Variants in GSE1 observed in about 807,000 individuals in gnomAD.
GSE1 encodes Gse1 coiled-coil protein.
GSE1 carries 32 observed loss-of-function variants against 112.6 expected under a neutral mutation model. The observed-to-expected ratio is 0.28, with a 90% confidence interval of 0.21 to 0.38. The LOEUF (loss-of-function observed/expected upper bound fraction) is 0.38. Among genes scored for constraint, GSE1 ranks in the 10% least tolerant of loss-of-function variants. The pLI, the probability that GSE1 is intolerant of heterozygous loss-of-function variation, is 1.00. For synonymous variants in GSE1, 1,115 were observed against 735.6 expected, an observed-to-expected ratio of 1.52 and a Z score of -8.35; for missense variants, 2,348 against 1,699.2, an observed-to-expected ratio of 1.38 and a Z score of -6.71.
intron 1 of GSE1, among the ~76,000 whole-genome samples, chr16:85,217,380 G>A (rs1233722319): frequency 1.3e-5 from 2 of 152,280 alleles, no homozygotes; most frequent in African/African-American, 2.4e-5. Flanking sequence ...AGAAGAAGCC[G>A]CCACGCCTGG....
chr16:85,510,453 T>A (rs1237634284), intron 2 of GSE1, among the ~76,000 whole-genome samples: 1 of 75,600 alleles, frequency 1.3e-5, no homozygotes. Context: ...TGTGTGTCGG[T>A]GTGGCCTGCG....
chr16:85,457,101 G>A (rs1319584619), intron 2 of GSE1, among the ~76,000 whole-genome samples: 2 of 152,196 alleles, frequency 1.3e-5, no homozygotes, highest in Admixed American at 1.3e-4. Flanking sequence ...GGTAAGCCAG[G>A]CAGTTCCTGC....
intron 1 of GSE1, among the ~76,000 whole-genome samples, chr16:85,625,961 G>T (rs1418824679): frequency 1.3e-5 from 2 of 152,032 alleles, no homozygotes; most frequent in African/African-American, 2.4e-5. Context: ...GGTTGCCCCC[G>T]CCCACCTGCT....
chr16:85,404,011 G>A (rs867772842), intron 2 of GSE1, among the ~76,000 whole-genome samples: 106 of 76,244 alleles, frequency 1.4e-3, no homozygotes, highest in African/African-American at 6.6e-3. Flanking sequence ...CCCTCTCTGT[G>A]CCGTCCTTAC....
chr16:85,540,862 G>A (rs1037454492), intron 2 of GSE1, among the ~76,000 whole-genome samples: 3 of 152,148 alleles, frequency 2.0e-5, no homozygotes, highest in South Asian at 2.1e-4. Context: ...AGCTGTGATT[G>A]CACCACTGCA....
At chr16:85,510,090 G>A (rs970448600) in intron 2 of GSE1, among the ~76,000 whole-genome samples, 4 of 152,200 alleles carry the variant, frequency 2.6e-5, no homozygotes, top group African/African-American at 9.6e-5. Context: ...GCACCCCCAT[G>A]CCGCCACCAT....
At chr16:85,481,857 A>G (rs2151873027) in intron 2 of GSE1, among the ~76,000 whole-genome samples, 1 of 152,334 alleles carries the variant, frequency 6.6e-6, no homozygotes, top group Middle Eastern at 3.4e-3. Flanking sequence ...TGTACCTAAA[A>G]GGTCACACGG....
chr16:85,585,578 A>G (rs2046653902), intron 1 of GSE1, among the ~76,000 whole-genome samples: 1 of 151,904 alleles, frequency 6.6e-6, no homozygotes, highest in Admixed American at 6.6e-5. Flanking sequence ...GGAGGGAGGG[A>G]GACTTTCCTG....
At chr16:85,443,439 C>G (rs373390938) in intron 2 of GSE1, among the ~76,000 whole-genome samples, 1 of 152,252 alleles carries the variant, frequency 6.6e-6, no homozygotes, top group Non-Finnish European at 1.5e-5. Flanking sequence ...AGAGCTAGGA[C>G]AATGACCTTC....
intron 1 of GSE1, among the ~76,000 whole-genome samples, chr16:85,348,825 C>T (rs1037446278): frequency 6.6e-6 from 1 of 152,154 alleles, no homozygotes. Context: ...CTTTTTATTT[C>T]TTCAAGCCCT....
chr16:85,245,745 G>A lies in GSE1; in HGVS notation c.2283+73938G>A, dbSNP rs565460634. ...AAGTGTCCTCTGATTAGAGGGGGAC[G>A]GCAAGACTGTGGGCACCGCCTGGGG... is the stretch of plus-strand genomic sequence containing the variant. On this transcript the variant is annotated intron_variant, in intron 1 of 2. Coordinates refer to the GSE1 transcript ENST00000637419. Among the ~76,000 whole-genome samples the A allele has an allele frequency of 4.6e-5, 7 of 152,240 alleles. No homozygotes were observed. The South Asian group carries it at 1.2e-3, about 27-fold the overall frequency.
In GSE1 at chr16:85,674,043, A is replaced by T. The variant is rs2053544253; in HGVS notation, c.*1504A>T. ...GCGAGTCTTCCTCCTTGTCCTAGTT[A>T]CTGCCTATGGAGGCAGTGTTTAGAT... On this transcript the variant is annotated 3_prime_UTR_variant, in exon 16 of 16. Transcript: ENST00000253458. 6.6e-6 allele frequency: 1 copy of T among 152,260 alleles called. No homozygotes were observed. The highest frequency in any genetic ancestry group is 1.9e-4 in the East Asian group (1 of 5,198). The allele number at this position is 152,260 out of a possible 1,614,324, so 9.4% of individuals were successfully genotyped here.
At chr16:85,648,167 C>T (rs1363233556) in intron 2 of GSE1, among the ~76,000 whole-genome samples, 1 of 152,048 alleles carries the variant, frequency 6.6e-6, no homozygotes, top group Non-Finnish European at 1.5e-5. Context: ...CTCTGGGGCT[C>T]CATGTCTGTC....
Position 85,476,250 on chromosome 16 carries a change from G to T in GSE1, c.2464+118607G>T, listed in dbSNP as rs553651512. 7.9e-5 allele frequency among the ~76,000 whole-genome samples: 12 copies of T among 152,326 alleles called. No individual in the cohort carries two copies. The South Asian group carries it at 2.5e-3, about 32-fold the overall frequency. ...CCTCACCTTTTGTTGAGGCCTGCGG[G>T]CTTTTAAGAACACGATGGGCTCCCG... On this transcript the variant is annotated intron_variant, in intron 2 of 2. Transcript: ENST00000637419.
chr16:85,639,594 C>T (rs1244557969), intron 2 of GSE1, among the ~76,000 whole-genome samples: 4 of 152,230 alleles, frequency 2.6e-5, no homozygotes, highest in African/African-American at 7.2e-5. Context: ...GTGTTTGCCC[C>T]GAGGGTGCCC....
At chr16:85,669,102 C>T (rs561176745) in intron 14 of GSE1, among the ~76,000 whole-genome samples, 5 of 152,378 alleles carry the variant, frequency 3.3e-5, no homozygotes, top group African/African-American at 1.2e-4. Flanking sequence ...TTTGATGCTC[C>T]TGTATACTGC....
At chr16:85,491,765 A>T (rs767030555) in intron 2 of GSE1, among the ~76,000 whole-genome samples, 7 of 152,042 alleles carry the variant, frequency 4.6e-5, no homozygotes, top group Non-Finnish European at 1.0e-4. Flanking sequence ...CCACAGTCTG[A>T]TGAGGAGAGG....
At chr16:85,576,457 A>G (rs2046231383) in intron 1 of GSE1, among the ~76,000 whole-genome samples, 1 of 152,174 alleles carries the variant, frequency 6.6e-6, no homozygotes, top group Non-Finnish European at 1.5e-5. Context: ...TTTGGAGCCT[A>G]GACGTCCTTA....
chr16:85,672,838 C>A lies in GSE1; in HGVS notation c.*299C>A. ...ATTTCTTAATCTGAACATGAAGGCTCCATTAGCAACACTAAAACTTGATCA... is the reference window on the plus strand; with the variant it reads ...ATTTCTTAATCTGAACATGAAGGCTACATTAGCAACACTAAAACTTGATCA... On this transcript the variant is annotated 3_prime_UTR_variant, in exon 16 of 16. Coordinates refer to ENST00000253458, the MANE Select transcript of GSE1 (RefSeq NM_014615.5). 4.7e-6 allele frequency: 1 copy of A among 212,586 alleles called. No individual in the cohort carries two copies. Among genetic ancestry groups the A allele is most frequent in the Non-Finnish European group, 9.5e-6 (1 of 105,478 alleles). The allele number at this position is 212,586 out of a possible 1,614,324, so 13.2% of individuals were successfully genotyped here. A position where few individuals can be genotyped will look rare whatever the true frequency, so the allele number is the denominator to read the frequency against.
Sources: gnomAD v4.1 joint callset for allele counts (sites outside exome capture counted in the v4.1 genomes callset) on GRCh38, gnomAD v4.1.1 for gene constraint, MANE v1.5 for transcripts, NCBI Gene and HGNC (gene_info 2026-07-23, HGNC 2026-07-21) for gene names.